Variants in MED6 observed in about 807,000 individuals in gnomAD.
The protein encoded by MED6 is mediator complex subunit 6.
Under a neutral mutation model 37.5 loss-of-function variants are expected in MED6, and 33 were observed. That is an observed-to-expected ratio of 0.88 (90% CI 0.67 to 1.18). The LOEUF is 1.18. MED6 is among the 50% of genes most tolerant of loss of function. The probability of loss-of-function intolerance (pLI) is 0.00; values close to 1 mark genes in which losing one functional copy is unlikely to be tolerated. For synonymous variants in MED6, 94 were observed against 93.6 expected, an observed-to-expected ratio of 1.00 and a Z score of -0.02; for missense variants, 235 against 290.6, an observed-to-expected ratio of 0.81 and a Z score of 1.39.
chr14:70,599,414 T>G (rs1254322161), intron 1 of MED6, among the ~76,000 whole-genome samples: 3 of 152,208 alleles, frequency 2.0e-5, no homozygotes, highest in African/African-American at 7.2e-5. Context: ...TAACTGGTTT[T>G]CCTAATTCTA....
chr14:70,585,526 T>C (rs765189341), intron 7 of MED6, among the ~76,000 whole-genome samples: 2 of 151,136 alleles, frequency 1.3e-5, no homozygotes, highest in East Asian at 1.9e-4. Context: ...CCAACACAAA[T>C]CTGTAAACTT....
intron 3 of MED6, 56 bp from the exon 4 acceptor site, chr14:70,593,434 CAG>C: frequency 1.6e-6 from 2 of 1,276,262 alleles, no homozygotes; most frequent in Non-Finnish European, 1.1e-6. Flanking sequence ...AACTGCTAAA[CAG>C]ATTCTCATAA....
At chr14:70,589,636 G>C (rs572196111) in intron 6 of MED6, among the ~76,000 whole-genome samples, 1 of 152,350 alleles carries the variant, frequency 6.6e-6, no homozygotes, top group East Asian at 1.9e-4. Context: ...CTGGAGGCCT[G>C]TTATGTTTAT....
In MED6 at chr14:70,591,315, T is replaced by C. The variant is rs1358475702; in HGVS notation, c.533A>G (p.Asp178Gly). The C allele has an allele frequency of 6.2e-7, 1 of 1,612,062 alleles. No homozygotes were observed. Among genetic ancestry groups the C allele is most frequent in the Non-Finnish European group, 8.5e-7 (1 of 1,179,406 alleles). The change falls in exon 6 of 8, where the codon GAT becomes GGT. Residue 178 changes from aspartate to glycine, a missense_variant. Coordinates refer to ENST00000256379, the MANE Select transcript of MED6 (RefSeq NM_005466.4). Reference protein sequence around the residue: ...PSSIFQRQRVDALLLDLRQKF... With the variant: ...PSSIFQRQRVGALLLDLRQKF... Reference sequence around the variant, plus strand: ...TTGTCTGAGGTCTAAAAGTAAAGCATCCACACGTTGTCTCTGAAAAATAGA... The same window carrying C: ...TTGTCTGAGGTCTAAAAGTAAAGCACCCACACGTTGTCTCTGAAAAATAGA...
intron 1 of MED6, among the ~76,000 whole-genome samples, chr14:70,598,229 G>A (rs535928256): frequency 3.5e-4 from 53 of 151,994 alleles, no homozygotes; most frequent in Non-Finnish European, 5.9e-4. Context: ...AGAAGGTCTC[G>A]GAGATTGTGG....
At chr14:70,592,688 A>G in intron 5 of MED6, 192 bp downstream of exon 5, 1 of 475,058 alleles carries the variant, frequency 2.1e-6, no homozygotes, top group Non-Finnish European at 3.7e-6. Context: ...AACAGAGTGA[A>G]CTTGCATCTG....
chr14:70,592,598 G>T, intron 5 of MED6: 1 of 229,906 alleles, frequency 4.3e-6, no homozygotes, highest in South Asian at 6.4e-5. Flanking sequence ...AAAGTGCTGG[G>T]ATTACAGGAG....
At chr14:70,597,220 C>G (rs868172900) in intron 2 of MED6, among the ~76,000 whole-genome samples, 75 of 152,238 alleles carry the variant, frequency 4.9e-4, no homozygotes, top group African/African-American at 1.7e-3. Flanking sequence ...TAAAATATAA[C>G]AGATATTTAA....
intron 7 of MED6, 35 bp downstream of exon 7, chr14:70,585,721 T>C: frequency 1.3e-6 from 2 of 1,563,032 alleles, no homozygotes; most frequent in Non-Finnish European, 1.7e-6. Flanking sequence ...TTTGACCTTA[T>C]TTCAAGCGTA....
Position 70,584,010 on chromosome 14 carries a change from T to C in MED6, c.*803A>G, listed in dbSNP as rs1476805100. ...AGAAGTATCTACACACAGAATAAGA[T>C]TAAAATTCACAACACTGTTACAGTA... On this transcript the variant is annotated 3_prime_UTR_variant, in exon 8 of 8. Transcript: ENST00000256379. 2.2e-6 allele frequency: 1 copy of C among 463,626 alleles called. No individual in the cohort carries two copies. The highest frequency in any genetic ancestry group is 3.8e-6 in the Non-Finnish European group (1 of 263,072). 28.7% of individuals were successfully genotyped at this position (463,626 alleles called of 1,614,324 possible). A position where few individuals can be genotyped will look rare whatever the true frequency, so the allele number is the denominator to read the frequency against.
intron 3 of MED6, among the ~76,000 whole-genome samples, chr14:70,593,841 G>T (rs1428482011): frequency 6.6e-6 from 1 of 152,208 alleles, no homozygotes; most frequent in African/African-American, 2.4e-5. Context: ...GGGGGGTCCA[G>T]TGTAAAGATA....
chr14:70,587,991 C>T (rs1884759272), intron 6 of MED6, among the ~76,000 whole-genome samples: 2 of 152,178 alleles, frequency 1.3e-5, no homozygotes, highest in Admixed American at 1.3e-4. Context: ...TACCACAAGC[C>T]CAACTGCTCG....
intron 6 of MED6, 113 bp from the exon 7 acceptor site, chr14:70,585,896 CA>C: frequency 1.4e-6 from 1 of 735,036 alleles, no homozygotes. Flanking sequence ...AAGCTTCATC[CA>C]AATTACATTT....
intron 3 of MED6, chr14:70,595,687 TG>T: frequency 4.5e-6 from 4 of 894,036 alleles, no homozygotes; most frequent in Non-Finnish European, 3.6e-6. Context: ...CGCCGCCTGC[TG>T]GAAGACAGCC....
chr14:70,586,424 T>C (rs1304274817), intron 6 of MED6, among the ~76,000 whole-genome samples: 1 of 152,196 alleles, frequency 6.6e-6, no homozygotes, highest in Admixed American at 6.5e-5. Flanking sequence ...TACGACATTC[T>C]TGTCTTCTTC....
At position 70,584,734 on chromosome 14, in the gene MED6, C is replaced by T; in HGVS notation, c.*79G>A. Reference sequence around the variant, plus strand: ...CAAATAAGAAGGTTACAATAAAGTACTTCAAAGCTCAAGAGCCACAGTACT... The same window carrying T: ...CAAATAAGAAGGTTACAATAAAGTATTTCAAAGCTCAAGAGCCACAGTACT... On this transcript the variant is annotated 3_prime_UTR_variant, in exon 8 of 8. Coordinates refer to ENST00000256379, the MANE Select transcript of MED6 (RefSeq NM_005466.4). 6.6e-7 allele frequency: 1 copy of T among 1,510,178 alleles called. No homozygotes were observed. Among genetic ancestry groups the T allele is most frequent in the Non-Finnish European group, 8.9e-7 (1 of 1,122,438 alleles). 93.5% of individuals were successfully genotyped at this position (1,510,178 alleles called of 1,614,324 possible).
rs1048551446 is a variant in MED6, at chr14:70,583,641, G to T, written c.*1172C>A. 6.5e-6 allele frequency: 1 copy of T among 153,140 alleles called. No homozygotes were observed. The highest frequency in any genetic ancestry group is 1.5e-5 in the Non-Finnish European group (1 of 68,850). 9.5% of individuals were successfully genotyped at this position (153,140 alleles called of 1,614,324 possible). A position where few individuals can be genotyped will look rare whatever the true frequency, so the allele number is the denominator to read the frequency against. On this transcript the variant is annotated 3_prime_UTR_variant, in exon 8 of 8. Transcript: ENST00000256379. Reference sequence around the variant, plus strand: ...AGTCTTATATAAAATAATGTAAACTGGGAAAAATCCCAAATATAAGACAGA... The same window carrying T: ...AGTCTTATATAAAATAATGTAAACTTGGAAAAATCCCAAATATAAGACAGA...
At chr14:70,587,355 A>G (rs1595046761) in intron 6 of MED6, among the ~76,000 whole-genome samples, 1 of 152,344 alleles carries the variant, frequency 6.6e-6, no homozygotes, top group Admixed American at 6.5e-5. Flanking sequence ...GAGTCCTGCT[A>G]GCAATCCCCA....
At chr14:70,599,811 GAAAT>G (rs74532210) in intron 1 of MED6, among the ~76,000 whole-genome samples, 16,629 of 152,110 alleles carry the variant, frequency 0.11, 1,332 homozygotes, top group East Asian at 0.48. Context: ...AGCAAGTGAT[GAAAT>G]AAATAATGAA....
Sources: allele counts gnomAD v4.1 joint callset (sites outside exome capture counted in the v4.1 genomes callset), GRCh38; gene constraint gnomAD v4.1.1; transcripts MANE v1.5; gene names NCBI Gene and HGNC (gene_info 2026-07-23, HGNC 2026-07-21).